The following ROBO2 variants were observed in gnomAD, a reference collection of about 807,000 sequenced individuals.
ROBO2 encodes roundabout homolog 2.
ROBO2 carries 53 observed loss-of-function variants against 160.8 expected under a neutral mutation model. The observed-to-expected ratio is 0.33, with a 90% CI of 0.26 to 0.41. The LOEUF is 0.41. Ranked by LOEUF, ROBO2 falls within the 10% of genes least tolerant of loss-of-function variation. The pLI, the probability that ROBO2 is intolerant of heterozygous loss-of-function variation, is 1.00. For synonymous variants in ROBO2, 664 were observed against 611.7 expected, an observed-to-expected ratio of 1.09 and a Z score of -1.26; for missense variants, 1,577 against 1,722.4, an observed-to-expected ratio of 0.92 and a Z score of 1.49.
intron 2 of ROBO2, among the ~76,000 whole-genome samples, chr3:76,715,546 A>G (rs1658551386): frequency 6.6e-6 from 1 of 152,184 alleles, no homozygotes; most frequent in Admixed American, 6.5e-5. Flanking sequence ...ATAGCATTTG[A>G]ACAAGAATCT....
intron 2 of ROBO2, among the ~76,000 whole-genome samples, chr3:76,210,377 T>C (rs1226679112): frequency 6.6e-6 from 1 of 152,098 alleles, no homozygotes; most frequent in East Asian, 1.9e-4. Flanking sequence ...AAGAATATTA[T>C]ACACACAGCA....
intron 2 of ROBO2, among the ~76,000 whole-genome samples, chr3:76,616,573 G>A (rs185135758): frequency 6.6e-6 from 1 of 152,278 alleles, no homozygotes; most frequent in East Asian, 1.9e-4. Flanking sequence ...TCTGCTAAAA[G>A]ATGCAGGTTA....
intron 2 of ROBO2, among the ~76,000 whole-genome samples, chr3:76,006,312 T>G (rs7642711): frequency 0.03 from 4,642 of 152,232 alleles, 216 homozygotes; most frequent in African/African-American, 0.098. Context: ...TAATACTGGA[T>G]AGTGAAATAT....
chr3:77,596,388 C>T (rs762672976), intron 18 of ROBO2, among the ~76,000 whole-genome samples: 1 of 152,152 alleles, frequency 6.6e-6, no homozygotes, highest in Non-Finnish European at 1.5e-5. Flanking sequence ...TCAGGGCAGA[C>T]ACCTGAATTC....
At chr3:75,995,346 G>A (rs536933220) in intron 2 of ROBO2, among the ~76,000 whole-genome samples, 88 of 152,228 alleles carry the variant, frequency 5.8e-4, no homozygotes, top group Non-Finnish European at 1.1e-3. Context: ...AGCTAAAATG[G>A]GCCAATATAA....
intron 2 of ROBO2, among the ~76,000 whole-genome samples, chr3:76,120,323 A>G (rs1576940461): frequency 6.6e-6 from 1 of 152,130 alleles, no homozygotes; most frequent in Non-Finnish European, 1.5e-5. Context: ...TTTAATGTTA[A>G]TCTTTATTGC....
intron 2 of ROBO2, among the ~76,000 whole-genome samples, chr3:75,997,107 A>G (rs942705470): frequency 1.3e-5 from 2 of 152,222 alleles, no homozygotes; most frequent in Non-Finnish European, 2.9e-5. Context: ...GATTCAATGT[A>G]GGAATCATAT....
At chr3:77,366,789 GAGAGAGATAC>G (rs896710535) in intron 2 of ROBO2, among the ~76,000 whole-genome samples, 50 of 152,090 alleles carry the variant, frequency 3.3e-4, no homozygotes, top group Admixed American at 1.6e-3. Flanking sequence ...AAGAGACAGA[GAGAGAGATAC>G]AGAGAGATAC....
chr3:76,705,953 A>G (rs1243158937), intron 2 of ROBO2, among the ~76,000 whole-genome samples: 2 of 152,154 alleles, frequency 1.3e-5, no homozygotes, highest in African/African-American at 4.8e-5. Flanking sequence ...TCTTTTTTCC[A>G]AAGACAGAAT....
chr3:77,208,543 T>C (rs2083713742), intron 2 of ROBO2, among the ~76,000 whole-genome samples: 1 of 152,178 alleles, frequency 6.6e-6, no homozygotes, highest in Non-Finnish European at 1.5e-5. Context: ...CTGTTAAAAC[T>C]TAGCTCCTGA....
chr3:75,954,569 C>T (rs1948661828), intron 2 of ROBO2, among the ~76,000 whole-genome samples: 1 of 151,778 alleles, frequency 6.6e-6, no homozygotes, highest in Admixed American at 6.6e-5. Context: ...ACCCCTAACT[C>T]AAAACACAGT....
intron 2 of ROBO2, among the ~76,000 whole-genome samples, chr3:76,962,726 G>A (rs957645440): frequency 2.0e-5 from 3 of 151,416 alleles, no homozygotes; most frequent in Non-Finnish European, 4.4e-5. Flanking sequence ...AGGATCACTT[G>A]AGGCCAAGAG....
Position 77,477,625 on chromosome 3 carries a change from A to G in ROBO2, c.546+54A>G, listed in dbSNP as rs1193938343. The stretch of plus-strand genomic sequence containing the variant: ...GAGATTGAATTTTCAGTCTCAAAAT[A>G]CAAAATAGATGTATTTTATTCTTTA... On this transcript the variant is annotated intron_variant, in intron 3 of 25. Transcript: ENST00000461745. 4 of 1,495,994 alleles carry G rather than the reference A, an allele frequency of 2.7e-6. No homozygotes were observed. The East Asian group carries it at 6.8e-5, about 25-fold the overall frequency. 92.7% of individuals were successfully genotyped at this position (1,495,994 alleles called of 1,614,324 possible).
At chr3:76,513,399 C>A (rs2081196671) in intron 2 of ROBO2, among the ~76,000 whole-genome samples, 1 of 152,066 alleles carries the variant, frequency 6.6e-6, no homozygotes, top group Admixed American at 6.6e-5. Flanking sequence ...GTCACCCAGG[C>A]TGGAGTGCAG....
At chr3:77,253,478 T>C (rs2090606501) in intron 2 of ROBO2, among the ~76,000 whole-genome samples, 1 of 152,178 alleles carries the variant, frequency 6.6e-6, no homozygotes, top group Admixed American at 6.5e-5. Flanking sequence ...TAATATTAAA[T>C]TTTATCATCT....
At chr3:77,144,682 T>G (rs2076982569) in intron 2 of ROBO2, among the ~76,000 whole-genome samples, 1 of 152,198 alleles carries the variant, frequency 6.6e-6, no homozygotes, top group South Asian at 2.1e-4. Flanking sequence ...ATGACAAATA[T>G]ATGGCACTGG....
chr3:76,198,466 G>T (rs1438847744), intron 2 of ROBO2, among the ~76,000 whole-genome samples: 1 of 152,136 alleles, frequency 6.6e-6, no homozygotes. Context: ...AGAAATTACT[G>T]CATGAAAGAA....
At chr3:76,138,473 G>A (rs947180586) in intron 2 of ROBO2, among the ~76,000 whole-genome samples, 6 of 151,942 alleles carry the variant, frequency 3.9e-5, no homozygotes, top group African/African-American at 9.7e-5. Flanking sequence ...CTAGAAATGC[G>A]TTGTACTATA....
At chr3:77,537,104 G>GGT (rs370498012) in intron 6 of ROBO2, among the ~76,000 whole-genome samples, 1 of 143,330 alleles carries the variant, frequency 7.0e-6, no homozygotes, top group Non-Finnish European at 1.5e-5. Flanking sequence ...TTTTGTGGGG[G>GGT]GGGGGTGTAT....
Sources: gnomAD v4.1 joint callset for allele counts (sites outside exome capture counted in the v4.1 genomes callset) on GRCh38, gnomAD v4.1.1 for gene constraint, MANE v1.5 for transcripts, NCBI Gene and HGNC (gene_info 2026-07-23, HGNC 2026-07-21) for gene names.